The following SORD variants were observed in gnomAD, a reference collection of about 807,000 sequenced individuals.
The protein encoded by SORD is sorbitol dehydrogenase.
In SORD, 18 loss-of-function variants were observed where a neutral mutation model predicts 35.6. The observed-to-expected ratio is 0.51, with a 90% confidence interval of 0.35 to 0.75. The LOEUF (loss-of-function observed/expected upper bound fraction) is 0.75, where lower values mean the gene tolerates loss of function less well. Among genes scored for constraint, SORD ranks in the 30% least tolerant of loss-of-function variants. SORD has a pLI of 0.01. For synonymous variants in SORD, 106 were observed against 152.9 expected, an observed-to-expected ratio of 0.69 and a Z score of 2.26; for missense variants, 250 against 390.2, an observed-to-expected ratio of 0.64 and a Z score of 3.03.
At chr15:45,064,211 C>A (rs1417640008) in intron 4 of SORD, among the ~76,000 whole-genome samples, 1 of 151,910 alleles carries the variant, frequency 6.6e-6, no homozygotes, top group Non-Finnish European at 1.5e-5. Context: ...TACACAGCTG[C>A]TCATACCAGG....
In SORD at chr15:45,068,198, A is replaced by T; in HGVS notation, c.562A>T (p.Thr188Ser). The T allele has an allele frequency of 6.2e-7, 1 of 1,613,926 alleles. No homozygotes were observed. Among genetic ancestry groups the T allele is most frequent in the Non-Finnish European group, 8.5e-7 (1 of 1,179,774 alleles). Reference protein sequence around the residue: ...VCGAGPIGMVTLLVAKAMGAA... With the variant: ...VCGAGPIGMVSLLVAKAMGAA... ...TTGTTTAGGGCCAATCGGGATGGTC[A>T]CTTTGCTCGTGGCCAAAGCAATGGG... Residue 188 changes from threonine to serine, a missense_variant, in exon 6 of 9, where the codon ACT becomes TCT. Physicochemically the swap from Thr to Ser is moderately conservative, Grantham distance 58 (BLOSUM62 1). Transcript: ENST00000267814.
At chr15:45,059,670 T>A (rs1036579305) in intron 3 of SORD, among the ~76,000 whole-genome samples, 33 of 151,962 alleles carry the variant, frequency 2.2e-4, no homozygotes, top group Non-Finnish European at 3.5e-4. Context: ...ATTAAAAAAA[T>A]TTTTTTTGTA....
intron 1 of SORD, among the ~76,000 whole-genome samples, chr15:45,038,152 C>A (rs145592408): frequency 2.2e-5 from 3 of 136,836 alleles, no homozygotes; most frequent in African/African-American, 6.2e-5. Flanking sequence ...TCCTTCCTTC[C>A]TTCCTTCCTT....
At chr15:45,051,363 A>G (rs1893121214) in intron 3 of SORD, among the ~76,000 whole-genome samples, 1 of 152,208 alleles carries the variant, frequency 6.6e-6, no homozygotes, top group African/African-American at 2.4e-5. Context: ...CACGTAACTA[A>G]ACATGTCAAA....
intron 3 of SORD, 195 bp from the exon 4 acceptor site, chr15:45,060,872 C>T: frequency 7.8e-7 from 1 of 1,285,734 alleles, no homozygotes; most frequent in South Asian, 1.5e-5. Context: ...GCCTAGGACA[C>T]CCTGGGTCCC....
At chr15:45,034,552 T>G (rs549938677) in intron 1 of SORD, among the ~76,000 whole-genome samples, 3 of 152,250 alleles carry the variant, frequency 2.0e-5, no homozygotes, top group Non-Finnish European at 4.4e-5. Context: ...GTACCTGAGA[T>G]GATTCCATGT....
chr15:45,031,044 G>C (rs907301988), intron 1 of SORD, among the ~76,000 whole-genome samples: 1 of 152,238 alleles, frequency 6.6e-6, no homozygotes, highest in Non-Finnish European at 1.5e-5. Flanking sequence ...GGGGAGGTCG[G>C]GGCAGCCATG....
At position 45,023,326 on chromosome 15, in the gene SORD, C is replaced by T. The variant is rs754866607; in HGVS notation, c.43C>T (p.His15Tyr). 16 of 1,590,248 alleles carry T rather than the reference C, an allele frequency of 1.0e-5. No individual in the cohort carries two copies. The Admixed American group carries it at 1.2e-4, about 12-fold the overall frequency. The change falls in exon 1 of 9, where the codon CAC becomes TAC. Residue 15 changes from histidine to tyrosine, a missense_variant. Transcript: ENST00000267814. ...AKPNNLSLVV[H>Y]GPGDLRLENY... ...GCCCAACAACCTTTCCCTGGTGGTG[C>T]ACGGACCGGGGGACTTGCGCCTGGT...
Position 45,061,072 on chromosome 15 carries a change from C to G in SORD, c.271C>G (p.Arg91Gly), listed in dbSNP as rs146786334. ...SSVKHLKPGDRVAIEPGAPRE... is the reference protein window; with the variant it reads ...SSVKHLKPGDGVAIEPGAPRE... ...ATCTTTGTTTTCCTCTCCAGGTGAT[C>G]GTGTTGCCATCGAGCCTGGTGCTCC... is the stretch of plus-strand genomic sequence containing the variant. Residue 91 changes from arginine (R) to glycine (G), a missense_variant, in exon 4 of 9, where the codon CGT (arginine) becomes GGT (glycine). Physicochemically the swap from Arg to Gly is moderately radical, Grantham distance 125. Coordinates refer to ENST00000267814, the MANE Select transcript of SORD (RefSeq NM_003104.6). 1.2e-6 allele frequency: 2 copies of G among 1,614,006 alleles called. No individual in the cohort carries two copies. The highest frequency in any genetic ancestry group is 1.7e-5 in the Admixed American group (1 of 60,006).
chr15:45,031,016 C>CA (rs1228579380), intron 1 of SORD, among the ~76,000 whole-genome samples: 1 of 152,238 alleles, frequency 6.6e-6, no homozygotes, highest in African/African-American at 2.4e-5. Context: ...ATATATTCAA[C>CA]ACACACAGGC....
chr15:45,066,987 G>A (rs1022036979), intron 5 of SORD, among the ~76,000 whole-genome samples: 1 of 152,142 alleles, frequency 6.6e-6, no homozygotes, highest in African/African-American at 2.4e-5. Flanking sequence ...GAGAACCACT[G>A]TTAATATTTG....
Position 45,023,366 on chromosome 15 carries a change from G to A in SORD, c.66+17G>A. On this transcript the variant is annotated intron_variant, in intron 1 of 8. Transcript: ENST00000267814. ...TTGCGCCTGGTAAGCTGGGAAGGAG[G>A]GTGGGAAGCATACCGATCCTGCCTC... 6.4e-7 allele frequency: 1 copy of A among 1,555,956 alleles called. No homozygotes were observed. The highest frequency in any genetic ancestry group is 8.7e-7 in the Non-Finnish European group (1 of 1,151,558).
intron 1 of SORD, among the ~76,000 whole-genome samples, chr15:45,039,175 C>G (rs1163592661): frequency 5.9e-5 from 9 of 151,990 alleles, no homozygotes; most frequent in African/African-American, 2.2e-4. Flanking sequence ...GTCACGCAGG[C>G]TGAAGTGCAC....
chr15:45,058,087 A>G (rs749072560), intron 3 of SORD, among the ~76,000 whole-genome samples: 6 of 152,250 alleles, frequency 3.9e-5, no homozygotes, highest in Non-Finnish European at 7.3e-5. Flanking sequence ...CACCTTCAGC[A>G]TAGCATACAA....
At chr15:45,024,543 A>C (rs1892640605) in intron 1 of SORD, among the ~76,000 whole-genome samples, 2 of 152,158 alleles carry the variant, frequency 1.3e-5, no homozygotes, top group African/African-American at 4.8e-5. Flanking sequence ...TCAGATGTTC[A>C]GACTCCCCAT....
intron 1 of SORD, among the ~76,000 whole-genome samples, chr15:45,038,488 AG>A (rs1343427560): frequency 2.6e-5 from 4 of 152,200 alleles, no homozygotes; most frequent in African/African-American, 9.7e-5. Context: ...GTTTCACAGG[AG>A]AAGAGGTTCA....
chr15:45,055,742 TAAA>T (rs1163445151), intron 3 of SORD, among the ~76,000 whole-genome samples: 1 of 152,174 alleles, frequency 6.6e-6, no homozygotes, highest in Non-Finnish European at 1.5e-5. Context: ...AAATCCTCAA[TAAA>T]ATACTGGCAA....
At chr15:45,038,802 T>C (rs1173882267) in intron 1 of SORD, among the ~76,000 whole-genome samples, 3 of 152,176 alleles carry the variant, frequency 2.0e-5, no homozygotes, top group African/African-American at 2.4e-5. Context: ...CCTATGAAAG[T>C]AGCTAGTTAG....
intron 1 of SORD, chr15:45,036,181 C>A (rs1892862654): frequency 2.9e-6 from 1 of 343,486 alleles, no homozygotes; most frequent in South Asian, 2.2e-5. Context: ...GACACGCCCC[C>A]TTTAGGAACT....
Sources: gnomAD v4.1 joint callset for allele counts (sites outside exome capture counted in the v4.1 genomes callset) on GRCh38, gnomAD v4.1.1 for gene constraint, MANE v1.5 for transcripts, NCBI Gene and HGNC (gene_info 2026-07-23, HGNC 2026-07-21) for gene names.